The following CORO2B variants were observed in gnomAD, a reference collection of about 807,000 sequenced individuals.
The protein encoded by CORO2B is coronin 2B.
A neutral mutation model predicts 58.8 loss-of-function variants in CORO2B; 26 were observed. That is an observed-to-expected ratio of 0.44 (90% CI 0.32 to 0.61). The LOEUF is 0.61. Among genes scored for constraint, CORO2B ranks in the 20% least tolerant of loss-of-function variants. The pLI is 0.04. For synonymous variants in CORO2B, 242 were observed against 253.8 expected (o/e 0.95, Z 0.44); for missense variants, 460 against 645.1 (o/e 0.71, Z 3.11).
chr15:68,518,560 C>T, the CORO2B span, among the ~76,000 whole-genome samples: 1 of 152,134 alleles, frequency 6.6e-6, no homozygotes, highest in Admixed American at 6.5e-5. Context: ...CCCCTTGCTC[C>T]CTGGGAAGCA....
At chr15:68,518,763 G>A in the CORO2B span, among the ~76,000 whole-genome samples, 10 of 152,212 alleles carry the variant, frequency 6.6e-5, no homozygotes, top group Non-Finnish European at 1.5e-4. Flanking sequence ...GATGGAGAGG[G>A]GGTGGGGGGC....
chr15:68,612,509 C>T (rs1026274361), intron 1 of CORO2B, among the ~76,000 whole-genome samples: 1 of 152,156 alleles, frequency 6.6e-6, no homozygotes, highest in African/African-American at 2.4e-5. Flanking sequence ...TGGGGTAGAG[C>T]AGGAAAACTG....
Position 68,705,154 on chromosome 15 carries a change from A to G in CORO2B, c.334-5578A>G, listed in dbSNP as rs140748690. On this transcript the variant is annotated intron_variant, in intron 3 of 11. Coordinates refer to ENST00000261861, the MANE Select transcript of CORO2B (RefSeq NM_006091.5). ...GTAATGTATTCAATGTCAAAGCAGA[A>G]AAGTTTGGAAGATTAACTAATACTA... Among the ~76,000 whole-genome samples, 825 of 152,306 alleles carry G rather than the reference A, an allele frequency of 5.4e-3. 7 individuals are homozygous for G. The highest frequency in any genetic ancestry group is 0.016 in the African/African-American group (651 of 41,558).
intron 10 of CORO2B, 85 bp downstream of exon 10, chr15:68,719,319 C>T (rs1893106999): frequency 6.3e-7 from 1 of 1,597,686 alleles, no homozygotes; most frequent in Non-Finnish European, 8.6e-7. Context: ...CTTGTCTGTC[C>T]CCCTGTTTGA....
intron 2 of CORO2B, among the ~76,000 whole-genome samples, chr15:68,658,265 G>C (rs76169793): frequency 2.0e-5 from 3 of 151,788 alleles, no homozygotes; most frequent in Non-Finnish European, 1.5e-5. Context: ...AGAGGGAACA[G>C]CTGGGGCCAG....
At chr15:68,523,533 G>T in the CORO2B span, among the ~76,000 whole-genome samples, 146 of 152,254 alleles carry the variant, frequency 9.6e-4, 3 homozygotes, top group African/African-American at 3.5e-3. Flanking sequence ...GACCATGAAA[G>T]GTTTCCCAAC....
intron 4 of CORO2B, 68 bp from the exon 5 acceptor site, chr15:68,711,474 C>A: frequency 3.5e-6 from 5 of 1,437,658 alleles, no homozygotes; most frequent in Non-Finnish European, 4.7e-6. Flanking sequence ...GTCAAGTGTG[C>A]ACTGGGGACA....
intron 1 of CORO2B, among the ~76,000 whole-genome samples, chr15:68,607,923 G>A (rs1450488227): frequency 6.6e-6 from 1 of 152,118 alleles, no homozygotes; most frequent in African/African-American, 2.4e-5. Context: ...CAAGACCCCA[G>A]GGCCTTTATC....
intron 2 of CORO2B, among the ~76,000 whole-genome samples, chr15:68,657,635 G>A (rs1381201589): frequency 2.0e-5 from 3 of 151,972 alleles, no homozygotes; most frequent in South Asian, 4.2e-4. Flanking sequence ...ACACAGTAAC[G>A]ACTCTAATTT....
chr15:68,665,934 T>C (rs1170843130), intron 2 of CORO2B, among the ~76,000 whole-genome samples: 2 of 152,240 alleles, frequency 1.3e-5, no homozygotes, highest in African/African-American at 4.8e-5. Context: ...CTTTTTTTAA[T>C]TGCATTGGCA....
chr15:68,624,712 A>C (rs1413458645), intron 1 of CORO2B, among the ~76,000 whole-genome samples: 2 of 149,268 alleles, frequency 1.3e-5, no homozygotes, highest in Non-Finnish European at 3.0e-5. Flanking sequence ...ATTTTCTTTG[A>C]GATAGAGTCT....
the CORO2B span, among the ~76,000 whole-genome samples, chr15:68,553,645 T>G: frequency 3.3e-5 from 5 of 152,206 alleles, no homozygotes; most frequent in African/African-American, 1.2e-4. Flanking sequence ...AGTGGAAGGC[T>G]TCTTGGAGGA....
intron 3 of CORO2B, among the ~76,000 whole-genome samples, chr15:68,701,640 C>G (rs1484116864): frequency 6.6e-6 from 1 of 151,890 alleles, no homozygotes; most frequent in Admixed American, 6.6e-5. Flanking sequence ...TGCGCGCCAC[C>G]ATGCCCGGCT....
At chr15:68,543,390 T>C in the CORO2B span, among the ~76,000 whole-genome samples, 4 of 152,128 alleles carry the variant, frequency 2.6e-5, no homozygotes, top group African/African-American at 4.8e-5. Flanking sequence ...TCATAGTCAC[T>C]ATCAGCATCA....
intron 2 of CORO2B, among the ~76,000 whole-genome samples, chr15:68,666,049 C>T (rs1327141094): frequency 6.6e-6 from 1 of 152,034 alleles, no homozygotes; most frequent in Non-Finnish European, 1.5e-5. Flanking sequence ...GAAATATTTT[C>T]CCCCCAGCAT....
At chr15:68,602,088 G>A (rs979678760) in intron 1 of CORO2B, among the ~76,000 whole-genome samples, 1 of 151,308 alleles carries the variant, frequency 6.6e-6, no homozygotes, top group Non-Finnish European at 1.5e-5. Context: ...ACCTCTGAAA[G>A]GATCTGCCTC....
In CORO2B at chr15:68,628,404, G is replaced by T. The variant is rs527259043; in HGVS notation, c.16-16756G>T. 5.9e-5 allele frequency among the ~76,000 whole-genome samples: 9 copies of T among 152,320 alleles called. No homozygotes were observed. The East Asian group carries it at 1.7e-3, about 29-fold the overall frequency. ...GAAGATAATAGCGCCTGCCTCACTG[G>T]GTTGCGATGAAGACTAAGGAAGGCA... On this transcript the variant is annotated intron_variant, in intron 1 of 11. Coordinates refer to ENST00000261861, the MANE Select transcript of CORO2B (RefSeq NM_006091.5).
At chr15:68,650,994 A>C (rs1257681474) in intron 2 of CORO2B, among the ~76,000 whole-genome samples, 2 of 152,098 alleles carry the variant, frequency 1.3e-5, no homozygotes, top group Non-Finnish European at 2.9e-5. Flanking sequence ...GTTTCCTCCC[A>C]GAGTAACACC....
At chr15:68,672,057 C>T (rs367600905) in intron 2 of CORO2B, among the ~76,000 whole-genome samples, 13 of 151,882 alleles carry the variant, frequency 8.6e-5, no homozygotes, top group Admixed American at 5.3e-4. Context: ...AATAGTGAAC[C>T]GGGGTGAAAA....
Sources: gnomAD v4.1 joint callset for allele counts (sites outside exome capture counted in the v4.1 genomes callset) on GRCh38, gnomAD v4.1.1 for gene constraint, MANE v1.5 for transcripts, NCBI Gene and HGNC (gene_info 2026-07-23, HGNC 2026-07-21) for gene names.